JAKMIP2: variants seen among roughly 807,000 people sequenced by gnomAD.
JAKMIP2 encodes the protein janus kinase and microtubule interacting protein 2.
In JAKMIP2, 25 loss-of-function variants were observed where a neutral mutation model predicts 115.0. The observed-to-expected ratio is 0.22, with a 90% confidence interval of 0.16 to 0.30. The LOEUF (loss-of-function observed/expected upper bound fraction) is 0.30, where lower values mean the gene tolerates loss of function less well. Among genes scored for constraint, JAKMIP2 ranks in the 10% least tolerant of loss-of-function variants. The probability of loss-of-function intolerance (pLI) is 1.00; values close to 1 mark genes in which losing one functional copy is unlikely to be tolerated. For missense variants in JAKMIP2, 642 were observed against 957.6 expected (o/e 0.67, Z 4.35); for synonymous variants, 334 against 343.6 (o/e 0.97, Z 0.31).
At chr5:147,645,306 C>T (rs1235848774) in intron 5 of JAKMIP2, among the ~76,000 whole-genome samples, 1 of 152,078 alleles carries the variant, frequency 6.6e-6, no homozygotes, top group Non-Finnish European at 1.5e-5. Flanking sequence ...TTCGCTTCCC[C>T]GACTTGTTAC....
intron 1 of JAKMIP2, among the ~76,000 whole-genome samples, chr5:147,679,137 T>G (rs1485938263): frequency 6.6e-6 from 1 of 152,000 alleles, no homozygotes; most frequent in Non-Finnish European, 1.5e-5. Flanking sequence ...TGCACCAACA[T>G]GCCCGGCTAA....
chr5:147,626,294 A>C (rs182186062), intron 16 of JAKMIP2, among the ~76,000 whole-genome samples: 83 of 152,312 alleles, frequency 5.4e-4, no homozygotes, highest in African/African-American at 1.8e-3. Flanking sequence ...CCACAGTGCT[A>C]AGCACAGAGT....
chr5:147,776,928 A>G lies in JAKMIP2; in HGVS notation c.-149+5528T>C, dbSNP rs187850132. ...GGGCAACAGAGTGAGACCCTATCTC[A>G]AAAATCATAATAATAATAAATTAAA... On this transcript the variant is annotated intron_variant, in intron 1 of 21. Coordinates refer to ENST00000616793, the MANE Select transcript of JAKMIP2 (RefSeq NM_001270941.2). 3.5e-3 allele frequency among the ~76,000 whole-genome samples: 536 copies of G among 152,252 alleles called. 1 individual carries two copies. The highest frequency in any genetic ancestry group is 5.6e-3 in the Non-Finnish European group (379 of 68,018).
intron 1 of JAKMIP2, among the ~76,000 whole-genome samples, chr5:147,753,811 TA>T (rs149429528): frequency 7.9e-6 from 1 of 126,808 alleles, no homozygotes; most frequent in Non-Finnish European, 1.6e-5. Flanking sequence ...CAGCAGAATG[TA>T]TTTTTTTTTT....
At chr5:147,714,655 C>T (rs535816470) in intron 1 of JAKMIP2, among the ~76,000 whole-genome samples, 28 of 152,096 alleles carry the variant, frequency 1.8e-4, no homozygotes, top group Middle Eastern at 6.8e-3. Flanking sequence ...TCACAGACAA[C>T]GAGGAAATCT....
chr5:147,639,837 T>G, intron 9 of JAKMIP2, 77 bp from the exon 10 acceptor site: 1 of 1,518,836 alleles, frequency 6.6e-7, no homozygotes, highest in Non-Finnish European at 8.9e-7. Flanking sequence ...TATTAACATT[T>G]GCCCACTTTT....
chr5:147,607,384 T>G (rs993895436), intron 20 of JAKMIP2, among the ~76,000 whole-genome samples: 1 of 152,166 alleles, frequency 6.6e-6, no homozygotes, highest in Non-Finnish European at 1.5e-5. Context: ...TTAGCATGAA[T>G]GGGTGTTGAA....
Position 147,644,879 on chromosome 5 carries a change from T to G in JAKMIP2, c.1054A>C (p.Lys352Gln). Residue 352 changes from lysine to glutamine, a missense_variant, in exon 6 of 22, where the codon AAA becomes CAA. Physicochemically the swap from Lys to Gln is moderately conservative, Grantham distance 53. Around this residue, in one of 6 missense-constraint regions of JAKMIP2, gnomAD observed 439 missense variants for 570.9 expected, o/e 0.77. Coordinates refer to ENST00000616793, the MANE Select transcript of JAKMIP2 (RefSeq NM_001270941.2). ...TCTGAATTTTCCTTGGTAACGGCTT[T>G]TAGTTTTTCTTCCATGCGCTGCAAG... ...VSLQRMEEKL[K>Q]AVTKENSEMR... The G allele has an allele frequency of 6.2e-7, 1 of 1,613,710 alleles. No homozygotes were observed. The highest frequency in any genetic ancestry group is 8.5e-7 in the Non-Finnish European group (1 of 1,179,894).
At chr5:147,751,098 GTC>G (rs1415683478) in intron 1 of JAKMIP2, among the ~76,000 whole-genome samples, 6 of 149,800 alleles carry the variant, frequency 4.0e-5, no homozygotes, top group Non-Finnish European at 8.9e-5. Context: ...TTGAGACGGA[GTC>G]TCACCCTGTC....
chr5:147,706,907 T>C (rs984698894), intron 1 of JAKMIP2, among the ~76,000 whole-genome samples: 4 of 152,176 alleles, frequency 2.6e-5, no homozygotes, highest in African/African-American at 9.7e-5. Flanking sequence ...CAGGGAAGCT[T>C]AATGATTTGC....
Position 147,645,353 on chromosome 5 carries a change from G to C in JAKMIP2, c.937-357C>G, listed in dbSNP as rs576191587. Among the ~76,000 whole-genome samples, 4 of 152,242 alleles carry C rather than the reference G, an allele frequency of 2.6e-5. No homozygotes were observed. In the East Asian group the frequency reaches 7.7e-4, roughly 29 times the overall value. On this transcript the variant is annotated intron_variant, in intron 5 of 21. Coordinates refer to ENST00000616793, the MANE Select transcript of JAKMIP2 (RefSeq NM_001270941.2). ...CAGCTGCAATCCCTGCACCTGGAATGACCTGCATTAGCTCAGAGATAAAGG... is the reference window on the plus strand; with the variant it reads ...CAGCTGCAATCCCTGCACCTGGAATCACCTGCATTAGCTCAGAGATAAAGG...
Position 147,689,290 on chromosome 5 carries a change from T to A in JAKMIP2, c.-148-17336A>T, listed in dbSNP as rs150767575. ...CTGTGCTTTTTAGGCCATTTTGCAT[T>A]GATTTAAGCTTTTACTCAGAGTGGG... On this transcript the variant is annotated intron_variant, in intron 1 of 21. Transcript: ENST00000616793. 4.6e-5 allele frequency among the ~76,000 whole-genome samples: 7 copies of A among 152,146 alleles called. No homozygotes were observed. The East Asian group carries it at 1.4e-3, about 29-fold the overall frequency.
rs1755054150 is a variant in JAKMIP2, at chr5:147,590,424, G to A, written c.*1283C>T. 6.6e-6 allele frequency: 1 copy of A among 152,030 alleles called. No individual in the cohort carries two copies. The highest frequency in any genetic ancestry group is 1.5e-5 in the Non-Finnish European group (1 of 68,018). 9.4% of individuals were successfully genotyped at this position (152,030 alleles called of 1,614,324 possible). On this transcript the variant is annotated 3_prime_UTR_variant, in exon 22 of 22. Transcript: ENST00000616793. Reference sequence around the variant, plus strand: ...AAGTACCAGTCCTCTAATTGTCTCTGGTAGAAAATGACCTTGTCAGTAACA... The same window carrying A: ...AAGTACCAGTCCTCTAATTGTCTCTAGTAGAAAATGACCTTGTCAGTAACA...
At chr5:147,598,282 A>G (rs1755499676) in intron 21 of JAKMIP2, among the ~76,000 whole-genome samples, 1 of 152,158 alleles carries the variant, frequency 6.6e-6, no homozygotes. Flanking sequence ...TACAGGCGTG[A>G]GCCATCAGCG....
At position 147,591,582 on chromosome 5, in the gene JAKMIP2, G is replaced by T; in HGVS notation, c.*125C>A. 1.9e-6 allele frequency: 2 copies of T among 1,034,078 alleles called. No individual in the cohort carries two copies. Among genetic ancestry groups the T allele is most frequent in the Non-Finnish European group, 3.0e-6 (2 of 663,872 alleles). The allele number at this position is 1,034,078 out of a possible 1,614,324, so 64.1% of individuals were successfully genotyped here. ...CAGTTGTAGTCCTGGCTACAGGGTA[G>T]TTCTTAGCTTTTGATCTCCCTCTCA... On this transcript the variant is annotated 3_prime_UTR_variant, in exon 22 of 22. Transcript: ENST00000616793.
At chr5:147,618,204 C>T (rs1756678908) in intron 18 of JAKMIP2, 90 bp from the exon 19 acceptor site, 4 of 930,866 alleles carry the variant, frequency 4.3e-6, no homozygotes, top group African/African-American at 1.6e-5. Flanking sequence ...ATGTATATGG[C>T]TGCCAACTTT....
rs1191435146 is a variant in JAKMIP2 at position 147,733,817 on chromosome 5, G to A, written c.-149+48639C>T. Reference sequence around the variant, plus strand: ...ACTCATCCTTTTTTATGGCTGCATAGTATTCCATGGTGTATATGTGCCACA... The same window carrying A: ...ACTCATCCTTTTTTATGGCTGCATAATATTCCATGGTGTATATGTGCCACA... On this transcript the variant is annotated intron_variant, in intron 1 of 21. Coordinates refer to ENST00000616793, the MANE Select transcript of JAKMIP2 (RefSeq NM_001270941.2). 2.6e-5 allele frequency among the ~76,000 whole-genome samples: 4 copies of A among 152,298 alleles called. No individual in the cohort carries two copies. The East Asian group carries it at 7.7e-4, about 29-fold the overall frequency.
chr5:147,755,649 T>C (rs1446614750), intron 1 of JAKMIP2, among the ~76,000 whole-genome samples: 2 of 152,164 alleles, frequency 1.3e-5, no homozygotes, highest in Non-Finnish European at 2.9e-5. Flanking sequence ...ACTTTTATTT[T>C]TAATTTTTTT....
At chr5:147,636,897 A>G (rs1042454737) in intron 11 of JAKMIP2, 68 bp downstream of exon 11, 1 of 863,456 alleles carries the variant, frequency 1.2e-6, no homozygotes. Context: ...GCCCATGCAC[A>G]GGTGAGCTAC....
Sources: gnomAD v4.1 joint callset for allele counts (sites outside exome capture counted in the v4.1 genomes callset) on GRCh38, gnomAD v4.1.1 for gene constraint, gnomAD v4.1.1 regional missense constraint, MANE v1.5 for transcripts, NCBI Gene and HGNC (gene_info 2026-07-23, HGNC 2026-07-21) for gene names.